The following SPATS2 variants were observed in gnomAD, a reference collection of about 807,000 sequenced individuals.
SPATS2 encodes the protein spermatogenesis associated serine rich 2, also known as spermatogenesis-associated serine-rich protein 2.
In SPATS2, 38 loss-of-function variants were observed where a neutral mutation model predicts 63.7. The ratio of observed to expected loss-of-function variants is 0.60; its 90% confidence interval spans 0.46 to 0.78. The LOEUF is 0.78. SPATS2 is among the 30% of genes least tolerant of loss of function. SPATS2 has a pLI of 0.00. For synonymous variants in SPATS2, 207 were observed against 232.9 expected, an observed-to-expected ratio of 0.89 and a Z score of 1.01; for missense variants, 588 against 666.2, an observed-to-expected ratio of 0.88 and a Z score of 1.29.
At chr12:49,408,358 T>A (rs1565707271) in intron 2 of SPATS2, among the ~76,000 whole-genome samples, 1 of 151,728 alleles carries the variant, frequency 6.6e-6, no homozygotes, top group Non-Finnish European at 1.5e-5. Flanking sequence ...GCTCCAGCGA[T>A]TCTCCTGCCT....
Position 49,525,975 on chromosome 12 carries a change from G to C in SPATS2, c.1358G>C (p.Gly453Ala). 6.2e-7 allele frequency: 1 copy of C among 1,614,222 alleles called. No individual in the cohort carries two copies. Among genetic ancestry groups the C allele is most frequent in the Non-Finnish European group, 8.5e-7 (1 of 1,180,040 alleles). ...VLPGNRRGGQGYRPQGQKSND... is the reference protein window; with the variant it reads ...VLPGNRRGGQAYRPQGQKSND... ...CCAGGGAACAGACGAGGAGGACAGG[G>C]CTATAGGCCACAAGGCCAAAAGTCC... is the stretch of plus-strand genomic sequence containing the variant. The change falls in exon 14 of 14, where the codon GGC (glycine) becomes GCC (alanine). Residue 453 changes from glycine to alanine, a missense_variant. By Grantham distance (60) the Gly-to-Ala change is moderately conservative. Transcript: ENST00000552918.
intron 4 of SPATS2, chr12:49,486,253 G>A (rs1946291202): frequency 8.8e-6 from 4 of 452,054 alleles, no homozygotes; most frequent in South Asian, 6.2e-5. Flanking sequence ...CGTCCAGGCT[G>A]GAGTGCAGTG....
At chr12:49,514,689 A>C (rs1251035819) in intron 10 of SPATS2, 76 bp downstream of exon 10, 2 of 1,327,812 alleles carry the variant, frequency 1.5e-6, no homozygotes, top group African/African-American at 2.9e-5. Flanking sequence ...CTTATAACAA[A>C]AGTTCCATAT....
chr12:49,525,037 C>A, intron 13 of SPATS2, 141 bp downstream of exon 13: 1 of 835,422 alleles, frequency 1.2e-6, no homozygotes, highest in Non-Finnish European at 1.8e-6. Flanking sequence ...CAAGTTAGTT[C>A]CTGAGAAAGC....
chr12:49,434,158 A>G (rs1250875047), intron 2 of SPATS2, among the ~76,000 whole-genome samples: 1 of 152,158 alleles, frequency 6.6e-6, no homozygotes, highest in Non-Finnish European at 1.5e-5. Context: ...TTATGCCAGT[A>G]CTACACTGTT....
At chr12:49,516,275 A>T (rs1303577819) in intron 10 of SPATS2, among the ~76,000 whole-genome samples, 3 of 142,900 alleles carry the variant, frequency 2.1e-5, no homozygotes, top group Admixed American at 7.3e-5. Context: ...TGGAAGGATC[A>T]CTTGAGCCCA....
rs1946368127 is a variant in SPATS2 at position 49,490,747 on chromosome 12, T to C, written c.264+16T>C. 6.2e-7 allele frequency: 1 copy of C among 1,611,380 alleles called. No homozygotes were observed. The highest frequency in any genetic ancestry group is 8.5e-7 in the Non-Finnish European group (1 of 1,178,202). The stretch of plus-strand genomic sequence containing the variant: ...CAAGAAAAAGGTAAAATGAATTACA[T>C]TTAAAAGCATGATGATGTGTATATT... On this transcript the variant is annotated intron_variant, in intron 6 of 13. Coordinates refer to ENST00000552918, the MANE Select transcript of SPATS2 (RefSeq NM_023071.4).
At chr12:49,484,502 G>A in intron 3 of SPATS2, 88 bp from the exon 4 acceptor site, 1 of 1,277,270 alleles carries the variant, frequency 7.8e-7, no homozygotes, top group Non-Finnish European at 1.1e-6. Context: ...TTGTTTTATG[G>A]GACGAAAGCA....
At chr12:49,451,821 T>G (rs1384375994) in intron 2 of SPATS2, among the ~76,000 whole-genome samples, 1 of 152,264 alleles carries the variant, frequency 6.6e-6, no homozygotes, top group Non-Finnish European at 1.5e-5. Context: ...ATGGATTCTC[T>G]GTAAGTCTTT....
intron 9 of SPATS2, among the ~76,000 whole-genome samples, chr12:49,513,865 T>A (rs1354077680): frequency 6.6e-6 from 1 of 151,988 alleles, no homozygotes; most frequent in African/African-American, 2.4e-5. Context: ...ATATAAAAAG[T>A]ATGAGTACAG....
chr12:49,452,877 G>A (rs1173156043), intron 2 of SPATS2, among the ~76,000 whole-genome samples: 1 of 151,766 alleles, frequency 6.6e-6, no homozygotes, highest in Non-Finnish European at 1.5e-5. Context: ...AAATTTGGAG[G>A]CCGGGCGCAG....
chr12:49,474,250 A>C (rs1946083722), intron 3 of SPATS2, among the ~76,000 whole-genome samples: 1 of 152,222 alleles, frequency 6.6e-6, no homozygotes, highest in Non-Finnish European at 1.5e-5. Flanking sequence ...TGATAATTTT[A>C]ACAATTAGTT....
intron 4 of SPATS2, among the ~76,000 whole-genome samples, chr12:49,485,583 A>G (rs974234579): frequency 4.6e-5 from 7 of 151,754 alleles, no homozygotes; most frequent in African/African-American, 1.7e-4. Flanking sequence ...GGTGATCGCA[A>G]ACTCCTGGCC....
chr12:49,523,192 A>G (rs1480684615), intron 12 of SPATS2, among the ~76,000 whole-genome samples: 1 of 152,174 alleles, frequency 6.6e-6, no homozygotes, highest in Non-Finnish European at 1.5e-5. Flanking sequence ...TGGAGATAAC[A>G]GGCCACGCGC....
chr12:49,486,308 T>G (rs890305927), intron 4 of SPATS2: 8 of 426,814 alleles, frequency 1.9e-5, no homozygotes, highest in Middle Eastern at 7.4e-4. Context: ...CGGGTTCAAG[T>G]GATTCTCCTG....
At chr12:49,401,357 A>T (rs1944602303) in intron 2 of SPATS2, among the ~76,000 whole-genome samples, 1 of 152,180 alleles carries the variant, frequency 6.6e-6, no homozygotes, top group African/African-American at 2.4e-5. Flanking sequence ...GTGCAGGCAT[A>T]GAGTAGATGG....
intron 4 of SPATS2, among the ~76,000 whole-genome samples, chr12:49,485,597 A>T (rs1946278207): frequency 6.6e-6 from 1 of 151,742 alleles, no homozygotes; most frequent in African/African-American, 2.4e-5. Context: ...CCTGGCCTCA[A>T]GTGATCCACC....
chr12:49,403,155 A>G (rs1405129965), intron 2 of SPATS2, among the ~76,000 whole-genome samples: 1 of 152,166 alleles, frequency 6.6e-6, no homozygotes, highest in Non-Finnish European at 1.5e-5. Context: ...TCTCAAGGCA[A>G]ATTGTAGTGT....
intron 3 of SPATS2, among the ~76,000 whole-genome samples, chr12:49,477,563 G>A (rs971468406): frequency 2.6e-5 from 4 of 152,086 alleles, no homozygotes; most frequent in African/African-American, 7.2e-5. Context: ...ACCGTCAGTC[G>A]GTATGCTTAC....
Sources: allele counts gnomAD v4.1 joint callset (sites outside exome capture counted in the v4.1 genomes callset), GRCh38; gene constraint gnomAD v4.1.1; transcripts MANE v1.5; gene names NCBI Gene and HGNC (gene_info 2026-07-23, HGNC 2026-07-21).